Variants in GABRA4 observed in about 807,000 individuals in gnomAD.
The protein encoded by GABRA4 is gamma-aminobutyric acid receptor subunit alpha-4.
GABRA4 carries 12 observed loss-of-function variants against 49.7 expected under a neutral mutation model. That is an observed-to-expected ratio of 0.24 (90% CI 0.15 to 0.39). GABRA4 has a LOEUF of 0.39. GABRA4 is among the 10% of genes least tolerant of loss of function. GABRA4 has a pLI of 1.00. For missense variants in GABRA4, 506 were observed against 686.0 expected (o/e 0.74, Z 2.93); for synonymous variants, 288 against 240.2 (o/e 1.20, Z -1.84).
Position 46,920,495 on chromosome 4 carries a change from T to A in GABRA4, c.*7730A>T, listed in dbSNP as rs2109926368. On this transcript the variant is annotated 3_prime_UTR_variant, in exon 9 of 9. Coordinates refer to ENST00000264318, the MANE Select transcript of GABRA4 (RefSeq NM_000809.4). ...AAAATATTTTATTAAAGAGATGATG[T>A]ATATGTATTAATATATGAAAAAATC... 1 of 151,904 alleles carries A rather than the reference T, an allele frequency of 6.6e-6. No homozygotes were observed. The highest frequency in any genetic ancestry group is 2.1e-4 in the South Asian group (1 of 4,832). 9.4% of individuals were successfully genotyped at this position (151,904 alleles called of 1,614,324 possible). A position where few individuals can be genotyped will look rare whatever the true frequency, so the allele number is the denominator to read the frequency against.
At chr4:46,950,585 A>G (rs1512131) in intron 8 of GABRA4, among the ~76,000 whole-genome samples, 78,542 of 151,394 alleles carry the variant, frequency 0.52, 20,620 homozygotes, top group East Asian at 0.66. Flanking sequence ...AATAAAATTT[A>G]GCTTTTCTCA....
chr4:46,928,223 A>T lies in GABRA4; in HGVS notation c.*2T>A, dbSNP rs150424238. 9.4e-6 allele frequency: 15 copies of T among 1,596,942 alleles called. No homozygotes were observed. The African/African-American group carries it at 1.7e-4, about 19-fold the overall frequency. On this transcript the variant is annotated 3_prime_UTR_variant, in exon 9 of 9. Coordinates refer to ENST00000264318, the MANE Select transcript of GABRA4 (RefSeq NM_000809.4). The stretch of plus-strand genomic sequence containing the variant: ...TTTTAGCAAACTACTATAGCAACGA[A>T]ATTACATTAGACTTTCTGATTTCTC...
rs1418912065 is a variant in GABRA4, at chr4:46,919,899, C to T, written c.*8326G>A. The T allele has an allele frequency of 1.3e-5, 2 of 151,662 alleles. No homozygotes were observed. Among genetic ancestry groups the T allele is most frequent in the African/African-American group, 4.8e-5 (2 of 41,404 alleles). The allele number at this position is 151,662 out of a possible 1,614,324, so 9.4% of individuals were successfully genotyped here. ...CACCTTTGCATGAAAACCGGATTCT[C>T]ATTCAATTTACAATGAAGCTCCCTC... On this transcript the variant is annotated 3_prime_UTR_variant, in exon 9 of 9. Coordinates refer to ENST00000264318, the MANE Select transcript of GABRA4 (RefSeq NM_000809.4).
At chr4:46,934,440 T>G (rs1721539140) in intron 8 of GABRA4, among the ~76,000 whole-genome samples, 1 of 152,158 alleles carries the variant, frequency 6.6e-6, no homozygotes. Context: ...ATAAACATGC[T>G]AAATATTTTA....
At chr4:46,938,857 A>C (rs1486117506) in intron 8 of GABRA4, among the ~76,000 whole-genome samples, 1 of 152,026 alleles carries the variant, frequency 6.6e-6, no homozygotes, top group Non-Finnish European at 1.5e-5. Context: ...CAACTGTTTC[A>C]AGTTATTTTG....
In GABRA4 at chr4:46,964,883, T is replaced by A. The variant is rs1244491620; in HGVS notation, c.1134+87A>T. On this transcript the variant is annotated intron_variant, in intron 8 of 8. Transcript: ENST00000264318. ...AATGACTTACAAGTTGATATCAGGATTTTTAAGTTCTCAGTTTGTTTCCCT... is the reference window on the plus strand; with the variant it reads ...AATGACTTACAAGTTGATATCAGGAATTTTAAGTTCTCAGTTTGTTTCCCT... 2.9e-6 allele frequency: 4 copies of A among 1,385,250 alleles called. No individual in the cohort carries two copies. In the East Asian group the frequency reaches 7.1e-5, roughly 24 times the overall value. The allele number at this position is 1,385,250 out of a possible 1,614,324, so 85.8% of individuals were successfully genotyped here.
intron 4 of GABRA4, 110 bp downstream of exon 4, chr4:46,977,276 AGGAGGAAGGGAGGGAGGAAGGGAG>A (rs992717277): frequency 4.7e-5 from 16 of 339,810 alleles, no homozygotes; most frequent in Admixed American, 1.7e-4. Flanking sequence ...AAGGAAGGGA[AGGAGGAAGGGAGGGAGGAAGGGAG>A]GGAGGAAGGG....
At chr4:46,941,075 T>C (rs1334495151) in intron 8 of GABRA4, among the ~76,000 whole-genome samples, 1 of 152,020 alleles carries the variant, frequency 6.6e-6, no homozygotes, top group African/African-American at 2.4e-5. Flanking sequence ...TGAGTTGCAA[T>C]TTATGGCAAA....
At chr4:46,976,996 C>T (rs1723159596) in intron 5 of GABRA4, 65 bp downstream of exon 5, 5 of 879,004 alleles carry the variant, frequency 5.7e-6, no homozygotes, top group Middle Eastern at 4.3e-4. Context: ...AAATAAAATA[C>T]ATGTGTAAAT....
chr4:46,964,841 G>A (rs1722696245), intron 8 of GABRA4, 129 bp downstream of exon 8: 1 of 1,023,242 alleles, frequency 9.8e-7, no homozygotes, highest in Admixed American at 2.7e-5. Context: ...TTACTTTTAT[G>A]TTTTTCTGTA....
chr4:46,992,575 C>G (rs1416054918), intron 2 of GABRA4: 2 of 496,094 alleles, frequency 4.0e-6, no homozygotes, highest in East Asian at 3.2e-5. Context: ...CAACCTCCCC[C>G]ACCCAGCAGT....
chr4:46,927,400 T>C lies in GABRA4; in HGVS notation c.*825A>G, dbSNP rs114339789. On this transcript the variant is annotated 3_prime_UTR_variant, in exon 9 of 9. Transcript: ENST00000264318. Reference sequence around the variant, plus strand: ...TGCAATGTCCTCTGCTAGTTTATGGTTCTTTGGCATGCATTGACTGTTCTA... The same window carrying C: ...TGCAATGTCCTCTGCTAGTTTATGGCTCTTTGGCATGCATTGACTGTTCTA... 256 of 152,652 alleles carry C rather than the reference T, an allele frequency of 1.7e-3. No individual in the cohort carries two copies. Among genetic ancestry groups the C allele is most frequent in the African/African-American group, 5.7e-3 (237 of 41,564 alleles). 9.5% of individuals were successfully genotyped at this position (152,652 alleles called of 1,614,324 possible).
chr4:46,978,687 C>CAAAAAA (rs71193889), intron 3 of GABRA4, among the ~76,000 whole-genome samples: 91 of 21,250 alleles, frequency 4.3e-3, no homozygotes, highest in East Asian at 8.6e-3. Flanking sequence ...AACTTCATCT[C>CAAAAAA]AAAAAAAAAA....
At chr4:46,964,821 G>T in intron 8 of GABRA4, 149 bp downstream of exon 8, 1 of 799,696 alleles carries the variant, frequency 1.3e-6, no homozygotes, top group Non-Finnish European at 1.9e-6. Context: ...TAAAGTTTAA[G>T]CTCATACAGT....
chr4:46,941,804 G>C (rs967348190), intron 8 of GABRA4, among the ~76,000 whole-genome samples: 2 of 152,004 alleles, frequency 1.3e-5, no homozygotes, highest in Non-Finnish European at 2.9e-5. Context: ...TTACCATCTT[G>C]CCCAGATCTG....
Position 46,974,329 on chromosome 4 carries a change from A to G in GABRA4, c.624T>C (p.Pro208=), listed in dbSNP as rs1340739523. The G allele has an allele frequency of 6.2e-7, 1 of 1,611,692 alleles. No homozygotes were observed. The highest frequency in any genetic ancestry group is 1.3e-5 in the African/African-American group (1 of 74,866). Residue 208 remains proline (P), a synonymous_variant, in exon 6 of 9, where the codon CCT becomes CCC. Transcript: ENST00000264318. ...CCTTCGGAACTTCAACTGATTTCTC[A>G]GGACCTTTTGTCCAGGTATAGATCA... ...SEMIYTWTKG[P]EKSVEVPKES... is the part of the protein sequence containing the mutation.
chr4:46,974,208 G>T (rs539068828), intron 6 of GABRA4, 24 bp downstream of exon 6: 6 of 1,589,934 alleles, frequency 3.8e-6, no homozygotes, highest in Non-Finnish European at 4.3e-6. Flanking sequence ...GTAGCATGTC[G>T]GCTTTAATCA....
chr4:46,930,346 A>G (rs923267550), intron 8 of GABRA4, among the ~76,000 whole-genome samples: 3 of 152,106 alleles, frequency 2.0e-5, no homozygotes, highest in African/African-American at 7.2e-5. Flanking sequence ...ATTAATCCTC[A>G]GATTTTGAAT....
At chr4:46,941,413 A>G (rs976080918) in intron 8 of GABRA4, among the ~76,000 whole-genome samples, 13 of 152,074 alleles carry the variant, frequency 8.5e-5, no homozygotes, top group Non-Finnish European at 1.9e-4. Context: ...GTACAGTGAG[A>G]ATAATAACAA....
Sources: gnomAD v4.1 joint callset for allele counts (sites outside exome capture counted in the v4.1 genomes callset) on GRCh38, gnomAD v4.1.1 for gene constraint, MANE v1.5 for transcripts, NCBI Gene and HGNC (gene_info 2026-07-23, HGNC 2026-07-21) for gene names.